GAA: variants seen among roughly 807,000 people sequenced by gnomAD.
GAA encodes the protein alpha glucosidase.
In GAA, 88 loss-of-function variants were observed where a neutral mutation model predicts 103.9. The ratio of observed to expected loss-of-function variants is 0.85; its 90% CI spans 0.71 to 1.01. GAA has a LOEUF of 1.01. Ranked by LOEUF, GAA falls within the 50% of genes least tolerant of loss-of-function variation. The pLI is 0.00. For missense variants in GAA, 1,350 were observed against 1,305.3 expected (o/e 1.03, Z -0.53); for synonymous variants, 572 against 563.1 (o/e 1.02, Z -0.22).
chr17:80,102,667 C>T (rs886984493), intron 1 of GAA: 5 of 152,164 alleles, frequency 3.3e-5, no homozygotes, highest in African/African-American at 1.2e-4. Flanking sequence ...CACACCAGGC[C>T]CTACGCATCT....
chr17:80,113,458 T>C, intron 15 of GAA, 92 bp downstream of exon 15: 1 of 1,237,264 alleles, frequency 8.1e-7, no homozygotes, highest in Non-Finnish European at 1.1e-6. Context: ...TGGGCTGTGT[T>C]CCCCAGGACC....
chr17:80,107,538 G>A lies in GAA; in HGVS notation c.693-19G>A, dbSNP rs1271276827. On this transcript the variant is annotated intron_variant, in intron 3 of 19. Transcript: ENST00000302262. ...GGCCCCTTGGGTGTGAGCAAGCCTG[G>A]CTGGCCTCTGTCCCGCAGGCTGAAC... is the stretch of plus-strand genomic sequence containing the variant. 1.2e-6 allele frequency: 2 copies of A among 1,612,800 alleles called. No homozygotes were observed. The highest frequency in any genetic ancestry group is 1.7e-6 in the Non-Finnish European group (2 of 1,179,850).
chr17:80,118,427 G>A, intron 18 of GAA, 70 bp downstream of exon 18: 6 of 1,542,858 alleles, frequency 3.9e-6, no homozygotes, highest in Non-Finnish European at 5.3e-6. Context: ...GAGGGGACCT[G>A]GGCTTGGGGG....
Position 80,112,640 on chromosome 17 carries a change from A to C in GAA, c.1817A>C (p.His606Pro), listed in dbSNP as rs1311698018. 3 of 1,612,586 alleles carry C rather than the reference A, an allele frequency of 1.9e-6. No individual in the cohort carries two copies. The highest frequency in any genetic ancestry group is 3.3e-5 in the Admixed American group (2 of 60,004). The change falls in exon 13 of 20, where the codon CAC (histidine) becomes CCC (proline). Residue 606 changes from histidine to proline, a missense_variant. Coordinates refer to ENST00000302262, the MANE Select transcript of GAA (RefSeq NM_000152.5). Reference protein sequence around the residue: ...FVISRSTFAGHGRYAGHWTGD... With the variant: ...FVISRSTFAGPGRYAGHWTGD... ...ATCTCCCGCTCGACCTTTGCTGGCCACGGCCGATACGCCGGCCACTGGACG... is the reference window on the plus strand; with the variant it reads ...ATCTCCCGCTCGACCTTTGCTGGCCCCGGCCGATACGCCGGCCACTGGACG...
At position 80,107,790 on chromosome 17, in the gene GAA, C is replaced by T. The variant is rs2143848802; in HGVS notation, c.859-10C>T. 1.2e-6 allele frequency: 2 copies of T among 1,610,678 alleles called. No individual in the cohort carries two copies. The highest frequency in any genetic ancestry group is 1.7e-6 in the Non-Finnish European group (2 of 1,178,922). Reference sequence around the variant, plus strand: ...GCAGGTGCTGAAGCGCCGTCTCCTGCATGTCCCAGCCCGGTGCGAACCTCT... The same window carrying T: ...GCAGGTGCTGAAGCGCCGTCTCCTGTATGTCCCAGCCCGGTGCGAACCTCT... On this transcript the variant is annotated splice_polypyrimidine_tract_variant and intron_variant, in intron 4 of 19. Transcript: ENST00000302262.
intron 8 of GAA, among the ~76,000 whole-genome samples, chr17:80,109,596 C>T (rs141121112): frequency 2.5e-4 from 38 of 151,640 alleles, no homozygotes; most frequent in African/African-American, 9.2e-4. Flanking sequence ...ACAGTAGTAG[C>T]CCTTAAGAGC....
chr17:80,117,346 C>T (rs1380708630), intron 16 of GAA, among the ~76,000 whole-genome samples: 1 of 152,220 alleles, frequency 6.6e-6, no homozygotes, highest in Non-Finnish European at 1.5e-5. Flanking sequence ...TGGCCAAGTC[C>T]CACGGCCATC....
rs367779589 is a variant in GAA, at chr17:80,117,648, C to T, written c.2380C>T (p.Arg794Cys). Residue 794 changes from arginine to cysteine, a missense_variant, in exon 17 of 20, where the codon CGT becomes TGT. By Grantham distance (180) the Arg-to-Cys change is radical (BLOSUM62 -3). Coordinates refer to ENST00000302262, the MANE Select transcript of GAA (RefSeq NM_000152.5). ...CCTCCCACCCCCACCTGCAGCTCCC[C>T]GTGAGCCAGCCATCCACAGCGAGGG... ...GSLPPPPAAP[R>C]EPAIHSEGQW... 6.8e-6 allele frequency: 11 copies of T among 1,612,718 alleles called. No individual in the cohort carries two copies. The highest frequency in any genetic ancestry group is 2.7e-5 in the African/African-American group (2 of 74,906).
At chr17:80,114,695 G>A (rs1379783380) in intron 15 of GAA, among the ~76,000 whole-genome samples, 3 of 152,094 alleles carry the variant, frequency 2.0e-5, no homozygotes, top group Admixed American at 1.3e-4. Context: ...CACACTGTCT[G>A]CCTTTTATAT....
rs780321415 is a variant in GAA at position 80,118,319 on chromosome 17, C to T, written c.2608C>T (p.Arg870Ter). 51 of 1,581,644 alleles carry T rather than the reference C, an allele frequency of 3.2e-5. No individual in the cohort carries two copies. Among genetic ancestry groups the T allele is most frequent in the Non-Finnish European group, 4.0e-5 (47 of 1,161,870 alleles). ...TGGAGAGAGCCTGGAAGTGCTGGAG[C>T]GAGGGGCCTACACACAGGTCATCTT... ...DDGESLEVLE[R>*]GAYTQVIFLA... is the part of the protein sequence containing the mutation. Residue 870 changes from arginine (R) to a stop codon, truncating the protein, a stop_gained, in exon 18 of 20, where the codon CGA becomes TGA. Coordinates refer to ENST00000302262, the MANE Select transcript of GAA (RefSeq NM_000152.5). LOFTEE classifies it high-confidence loss of function.
intron 11 of GAA, 135 bp downstream of exon 11, chr17:80,111,160 G>A: frequency 1.1e-6 from 1 of 882,654 alleles, no homozygotes; most frequent in Non-Finnish European, 1.8e-6. Flanking sequence ...GGATCCCCAG[G>A]AGAAAGGCTC....
rs1358826817 is a variant in GAA at position 80,109,991 on chromosome 17, A to G, written c.1373A>G (p.Tyr458Cys). The change falls in exon 9 of 20, where the codon TAC becomes TGC. Residue 458 changes from tyrosine (Y) to cysteine (C), a missense_variant. By Grantham distance (194) the Tyr-to-Cys change is radical (BLOSUM62 -2). Transcript: ENST00000302262. Reference sequence around the variant, plus strand: ...GGCCCTGCCGGGAGCTACAGGCCCTACGACGAGGGTCTGCGGAGGGGGGTT... The same window carrying G: ...GGCCCTGCCGGGAGCTACAGGCCCTGCGACGAGGGTCTGCGGAGGGGGGTT... The part of the protein sequence containing the change: ...SSGPAGSYRP[Y>C]DEGLRRGVFI... 3 of 1,613,348 alleles carry G rather than the reference A, an allele frequency of 1.9e-6. No individual in the cohort carries two copies. Among genetic ancestry groups the G allele is most frequent in the South Asian group, 2.2e-5 (2 of 91,068 alleles).
At chr17:80,105,718 G>T in intron 2 of GAA, 31 bp from the exon 3 acceptor site, 1 of 1,610,506 alleles carries the variant, frequency 6.2e-7, no homozygotes. Context: ...GGTGGCTGTG[G>T]GGAACATCAA....
intron 2 of GAA, among the ~76,000 whole-genome samples, chr17:80,105,338 G>A (rs555470307): frequency 2.4e-4 from 36 of 152,164 alleles, no homozygotes; most frequent in African/African-American, 3.6e-4. Flanking sequence ...GGCAGGGCTC[G>A]GGGCTCATTC....
In GAA at chr17:80,119,366, C is replaced by A. The variant is rs1283643807; in HGVS notation, c.*35C>A. ...GTGTGTTAGTCTCTCCAGAGGGAGG[C>A]TGGTTCCCCAGGGAAGCAGAGCCTG... On this transcript the variant is annotated 3_prime_UTR_variant, in exon 20 of 20. Coordinates refer to ENST00000302262, the MANE Select transcript of GAA (RefSeq NM_000152.5). 2 of 1,589,252 alleles carry A rather than the reference C, an allele frequency of 1.3e-6. No homozygotes were observed. The highest frequency in any genetic ancestry group is 1.7e-6 in the Non-Finnish European group (2 of 1,157,656).
At chr17:80,118,515 T>C in intron 18 of GAA, 138 bp from the exon 19 acceptor site, 1 of 1,366,176 alleles carries the variant, frequency 7.3e-7, no homozygotes, top group Non-Finnish European at 1.0e-6. Flanking sequence ...GGCCGTGCAC[T>C]CTGCCCTTTC....
At position 80,113,015 on chromosome 17, in the gene GAA, C is replaced by T. The variant is rs1209690340; in HGVS notation, c.2028C>T (p.Ser676=). Residue 676 remains serine (S), a synonymous_variant, in exon 14 of 20, where the codon AGC becomes AGT. Transcript: ENST00000302262. ...ACCCCTTCATGCGGAACCACAACAG[C>T]CTGCTCAGTCTGGTAGGGTGGGGGT... The part of the protein sequence containing the change: ...AFYPFMRNHN[S]LLSLPQEPYS... 8 of 1,610,240 alleles carry T rather than the reference C, an allele frequency of 5.0e-6. No homozygotes were observed. The highest frequency in any genetic ancestry group is 2.2e-5 in the East Asian group (1 of 44,790).
rs2039415739 is a variant in GAA, at chr17:80,118,728, G to T, written c.2722G>T (p.Gly908Cys). 6.2e-7 allele frequency: 1 copy of T among 1,613,404 alleles called. No homozygotes were observed. Among genetic ancestry groups the T allele is most frequent in the South Asian group, 1.1e-5 (1 of 91,086 alleles). The part of the protein sequence containing the change: ...GLQLQKVTVL[G>C]VATAPQQVLS... ...GCAGCTGCAGAAGGTGACTGTCCTG[G>T]GCGTGGCCACGGCGCCCCAGCAGGT... The change falls in exon 19 of 20, where the codon GGC (glycine) becomes TGC (cysteine). Residue 908 changes from glycine to cysteine, a missense_variant. Gly to Cys is a radical substitution (Grantham distance 159). Transcript: ENST00000302262.
chr17:80,103,597 T>C (rs1010898143), intron 1 of GAA, among the ~76,000 whole-genome samples: 4 of 152,144 alleles, frequency 2.6e-5, no homozygotes, highest in African/African-American at 9.7e-5. Context: ...CGTTGGTACT[T>C]GTTAACCTTA....
Sources: gnomAD v4.1 joint callset for allele counts (sites outside exome capture counted in the v4.1 genomes callset) on GRCh38, gnomAD v4.1.1 for gene constraint, MANE v1.5 for transcripts, NCBI Gene and HGNC (gene_info 2026-07-23, HGNC 2026-07-21) for gene names.